Variants in ACYP2 observed in about 807,000 individuals in gnomAD.
The protein encoded by ACYP2 is acylphosphatase 2.
In ACYP2, 12 loss-of-function variants were observed where a neutral mutation model predicts 11.2. The observed-to-expected ratio is 1.08, with a 90% CI of 0.69 to 1.74. ACYP2 has a LOEUF of 1.74. ACYP2 is among the 40% of genes most tolerant of loss of function. The probability of loss-of-function intolerance (pLI) is 0.00; values close to 1 mark genes in which losing one functional copy is unlikely to be tolerated. For synonymous variants in ACYP2, 43 were observed against 32.2 expected (o/e 1.33, Z -1.13); for missense variants, 134 against 101.9 (o/e 1.31, Z -1.35).
At chr2:54,262,809 T>C (rs148405562) in intron 6 of ACYP2, among the ~76,000 whole-genome samples, 1 of 152,220 alleles carries the variant, frequency 6.6e-6, no homozygotes, top group Non-Finnish European at 1.5e-5. Flanking sequence ...CATCTTTAAT[T>C]TATCCTGTTT....
chr2:54,145,789 A>T (rs1301330522), intron 6 of ACYP2, among the ~76,000 whole-genome samples: 1 of 152,204 alleles, frequency 6.6e-6, no homozygotes, highest in East Asian at 1.9e-4. Context: ...CAGAAACTCT[A>T]TATATCCATC....
intron 6 of ACYP2, among the ~76,000 whole-genome samples, chr2:54,240,110 C>G (rs1686669508): frequency 6.6e-6 from 1 of 152,012 alleles, no homozygotes; most frequent in African/African-American, 2.4e-5. Context: ...CTTATGTGAC[C>G]AAGTAGATGT....
chr2:54,300,498 C>A (rs530325016), intron 6 of ACYP2, among the ~76,000 whole-genome samples: 11 of 152,348 alleles, frequency 7.2e-5, no homozygotes, highest in African/African-American at 2.6e-4. Flanking sequence ...GACCAGCCCT[C>A]TCACCTTGAG....
chr2:54,097,880 CT>C (rs1237644854), intron 4 of ACYP2, among the ~76,000 whole-genome samples: 1 of 127,422 alleles, frequency 7.8e-6, no homozygotes, highest in African/African-American at 3.1e-5. Context: ...TTCTCTCTCT[CT>C]CTCTCCCCTC....
chr2:54,124,448 G>A (rs749818088), intron 4 of ACYP2, among the ~76,000 whole-genome samples: 2 of 151,918 alleles, frequency 1.3e-5, no homozygotes, highest in East Asian at 1.9e-4. Flanking sequence ...CACCCTCCTC[G>A]GCCTCCCAAA....
intron 4 of ACYP2, among the ~76,000 whole-genome samples, chr2:54,070,132 TG>T (rs1340474415): frequency 6.6e-6 from 1 of 151,994 alleles, no homozygotes; most frequent in East Asian, 1.9e-4. Flanking sequence ...TAGTTGGGCA[TG>T]GTGGCACATG....
intron 6 of ACYP2, among the ~76,000 whole-genome samples, chr2:54,228,966 C>A (rs1433176305): frequency 2.0e-5 from 3 of 152,110 alleles, no homozygotes; most frequent in African/African-American, 7.2e-5. Flanking sequence ...CATTTCTTGA[C>A]AAAAGATTTC....
Position 54,005,948 on chromosome 2 carries a change from G to A in ACYP2, c.62+32138G>A, listed in dbSNP as rs528282928. On this transcript the variant is annotated intron_variant, in intron 2 of 6. Transcript: ENST00000607452. ...GACATCCTGATAATATTGAGTTTTC[G>A]TAATCATAAACATGGTGTATTTGTC... Among the ~76,000 whole-genome samples, 6 of 152,124 alleles carry A rather than the reference G, an allele frequency of 3.9e-5. No individual in the cohort carries two copies. In the East Asian group the frequency reaches 7.7e-4, roughly 20 times the overall value.
chr2:54,063,461 C>T (rs1676573798), intron 4 of ACYP2, among the ~76,000 whole-genome samples: 1 of 152,192 alleles, frequency 6.6e-6, no homozygotes, highest in African/African-American at 2.4e-5. Flanking sequence ...CTGTGGTCTG[C>T]ATCAACAAGC....
chr2:54,125,117 A>T (rs903677377), intron 4 of ACYP2, among the ~76,000 whole-genome samples: 7 of 124,632 alleles, frequency 5.6e-5, no homozygotes, highest in Non-Finnish European at 1.4e-4. Context: ...CATGGATTTA[A>T]AAAAAAAAAC....
chr2:54,050,125 AT>A, intron 2 of ACYP2, among the ~76,000 whole-genome samples: 1 of 152,254 alleles, frequency 6.6e-6, no homozygotes, highest in East Asian at 1.9e-4. Context: ...AAAGAATCAA[AT>A]TTTTTTCTTT....
chr2:54,024,533 C>T (rs1255283885), intron 2 of ACYP2, among the ~76,000 whole-genome samples: 1 of 152,172 alleles, frequency 6.6e-6, no homozygotes, highest in Non-Finnish European at 1.5e-5. Context: ...TGACAAAATC[C>T]AGCATCCCTT....
At chr2:54,286,746 G>A (rs1190836171) in intron 6 of ACYP2, among the ~76,000 whole-genome samples, 1 of 151,950 alleles carries the variant, frequency 6.6e-6, no homozygotes, top group African/African-American at 2.4e-5. Context: ...CTCTCTAAAT[G>A]GATTTGTCCT....
At chr2:54,048,254 G>A (rs1675631864) in intron 2 of ACYP2, among the ~76,000 whole-genome samples, 1 of 151,994 alleles carries the variant, frequency 6.6e-6, no homozygotes, top group African/African-American at 2.4e-5. Flanking sequence ...GGAAGATGTT[G>A]TCTCTACTGA....
chr2:54,296,592 T>TG (rs1689533367), intron 6 of ACYP2, among the ~76,000 whole-genome samples: 1 of 152,248 alleles, frequency 6.6e-6, no homozygotes, highest in African/African-American at 2.4e-5. Context: ...CACCACTGTT[T>TG]ATGATCCTCA....
chr2:54,247,341 G>C (rs910182817), intron 6 of ACYP2, among the ~76,000 whole-genome samples: 5 of 152,150 alleles, frequency 3.3e-5, no homozygotes, highest in African/African-American at 1.2e-4. Context: ...CACCCAAAAA[G>C]ACTCTTTGCT....
intron 4 of ACYP2, among the ~76,000 whole-genome samples, chr2:54,097,737 G>A (rs1456785685): frequency 1.3e-5 from 2 of 151,466 alleles, no homozygotes; most frequent in Non-Finnish European, 2.9e-5. Flanking sequence ...AATCTGAGAC[G>A]TCATGTTATT....
intron 2 of ACYP2, among the ~76,000 whole-genome samples, chr2:54,035,700 C>G (rs975927534): frequency 5.3e-5 from 8 of 152,230 alleles, no homozygotes; most frequent in Non-Finnish European, 1.2e-4. Context: ...GAATGGCTAC[C>G]TATAATTTTC....
intron 4 of ACYP2, among the ~76,000 whole-genome samples, chr2:54,096,072 C>T (rs1419976297): frequency 3.0e-5 from 4 of 134,888 alleles, no homozygotes; most frequent in Admixed American, 1.4e-4. Flanking sequence ...ACCTCCCTCC[C>T]GGACGGGGTG....
Sources: gnomAD v4.1 joint callset for allele counts (sites outside exome capture counted in the v4.1 genomes callset) on GRCh38, gnomAD v4.1.1 for gene constraint, MANE v1.5 for transcripts, NCBI Gene and HGNC (gene_info 2026-07-23, HGNC 2026-07-21) for gene names.